The following CALD1 variants were observed in gnomAD, a reference collection of about 807,000 sequenced individuals.
CALD1 encodes caldesmon.
CALD1 carries 33 observed loss-of-function variants against 99.9 expected under a neutral mutation model. The ratio of observed to expected loss-of-function variants is 0.33; its 90% confidence interval spans 0.25 to 0.44. CALD1 has a LOEUF of 0.44. CALD1 is among the 20% of genes least tolerant of loss of function. CALD1 has a pLI of 1.00. For missense variants in CALD1, 861 were observed against 962.1 expected (o/e 0.89, Z 1.39); for synonymous variants, 310 against 325.0 (o/e 0.95, Z 0.50).
chr7:134,916,290 T>C (rs1033143622), intron 3 of CALD1, among the ~76,000 whole-genome samples: 1 of 152,110 alleles, frequency 6.6e-6, no homozygotes, highest in Non-Finnish European at 1.5e-5. Context: ...GTCAGATCTA[T>C]CATATATTAC....
intron 11 of CALD1, among the ~76,000 whole-genome samples, chr7:134,959,542 G>C (rs1272074309): frequency 6.6e-6 from 1 of 152,008 alleles, no homozygotes; most frequent in Non-Finnish European, 1.5e-5. Context: ...AATAGAGAGA[G>C]GCCTATGGTT....
rs1458112631 is a variant in CALD1, at chr7:134,783,800, C to G, written c.-130+4051C>G. Reference sequence around the variant, plus strand: ...CATAGAAGACAAGGGTGGATGGGATCAGAACATGAGTGGAGGTGTCCATGA... The same window carrying G: ...CATAGAAGACAAGGGTGGATGGGATGAGAACATGAGTGGAGGTGTCCATGA... On this transcript the variant is annotated intron_variant, in intron 1 of 14. Transcript: ENST00000361675. This position sits in a 1 kb window ranked among gnomAD's most constrained non-coding sequence, Gnocchi z 4.3. 6.6e-6 allele frequency among the ~76,000 whole-genome samples: 1 copy of G among 151,896 alleles called. No homozygotes were observed. Among genetic ancestry groups the G allele is most frequent in the Non-Finnish European group, 1.5e-5 (1 of 67,996 alleles).
chr7:134,966,347 G>A (rs1447690265), intron 14 of CALD1, among the ~76,000 whole-genome samples: 1 of 152,062 alleles, frequency 6.6e-6, no homozygotes, highest in Non-Finnish European at 1.5e-5. Context: ...GCTACGTATT[G>A]CGCTTTTATT....
chr7:134,790,950 G>A (rs1259362424), intron 1 of CALD1, among the ~76,000 whole-genome samples: 1 of 152,180 alleles, frequency 6.6e-6, no homozygotes, highest in East Asian at 1.9e-4. Context: ...TATTCAAAAG[G>A]CCAAGACAGA....
intron 1 of CALD1, among the ~76,000 whole-genome samples, chr7:134,756,291 A>C (rs1306671753): frequency 2.1e-5 from 2 of 97,272 alleles, no homozygotes; most frequent in Non-Finnish European, 4.3e-5. Context: ...AAAAAAAAAA[A>C]CTAAAAATTA....
rs560401532 is a variant in CALD1 at position 134,786,867 on chromosome 7, T to G, written c.-130+7118T>G. Among the ~76,000 whole-genome samples the G allele has an allele frequency of 4.6e-5, 7 of 152,328 alleles. No individual in the cohort carries two copies. The South Asian group carries it at 1.0e-3, about 23-fold the overall frequency. On this transcript the variant is annotated intron_variant, in intron 1 of 14. Transcript: ENST00000361675. ...CAATCTGCCTATATACCCATGCATCTTAACCAGTATCTTAATCAGAATCAA... is the reference window on the plus strand; with the variant it reads ...CAATCTGCCTATATACCCATGCATCGTAACCAGTATCTTAATCAGAATCAA...
chr7:134,789,031 T>TAAAAAAAAAA (rs35315682), intron 1 of CALD1, among the ~76,000 whole-genome samples: 1 of 116,822 alleles, frequency 8.6e-6, no homozygotes, highest in African/African-American at 3.3e-5. Context: ...AAACAAAAAG[T>TAAAAAAAAAA]AAAAAAAAAA....
chr7:134,949,800 G>A (rs1156755973), intron 8 of CALD1, among the ~76,000 whole-genome samples: 2 of 152,030 alleles, frequency 1.3e-5, no homozygotes, highest in Non-Finnish European at 2.9e-5. Context: ...ATGAGTGTTA[G>A]TCTAAGCCAG....
intron 1 of CALD1, among the ~76,000 whole-genome samples, chr7:134,787,779 A>C (rs1797362877): frequency 6.6e-6 from 1 of 152,210 alleles, no homozygotes; most frequent in Admixed American, 6.5e-5. Flanking sequence ...CACTGAGTAC[A>C]TGGATTATAT....
the CALD1 span, among the ~76,000 whole-genome samples, chr7:134,717,678 T>C: frequency 6.6e-6 from 1 of 152,166 alleles, no homozygotes; most frequent in Admixed American, 6.5e-5. Flanking sequence ...TTTGACTCCA[T>C]GATAGGGAAG....
chr7:134,850,275 C>T (rs1213195992), intron 2 of CALD1, among the ~76,000 whole-genome samples: 3 of 152,206 alleles, frequency 2.0e-5, no homozygotes, highest in Non-Finnish European at 4.4e-5. Flanking sequence ...CAGGCAATCA[C>T]GTGATCATTT....
At chr7:134,957,984 T>G in intron 9 of CALD1, 85 bp from the exon 10 acceptor site, 1 of 993,056 alleles carries the variant, frequency 1.0e-6, no homozygotes, top group Admixed American at 1.7e-5. Flanking sequence ...TTTAACAGGT[T>G]CAGGGATGAT....
chr7:134,846,026 A>G (rs2132182379), intron 2 of CALD1, among the ~76,000 whole-genome samples: 1 of 151,996 alleles, frequency 6.6e-6, no homozygotes, highest in South Asian at 2.1e-4. Flanking sequence ...AGCTAACTCC[A>G]CCTATGGTCA....
chr7:134,912,100 G>A (rs1179385150), intron 3 of CALD1, among the ~76,000 whole-genome samples: 1 of 152,064 alleles, frequency 6.6e-6, no homozygotes, highest in Admixed American at 6.6e-5. Flanking sequence ...GAAGTTGAAA[G>A]AAAAAGAAAG....
At chr7:134,960,493 A>T (rs749887493) in intron 12 of CALD1, 40 bp from the exon 13 acceptor site, 5 of 1,188,124 alleles carry the variant, frequency 4.2e-6, no homozygotes, top group East Asian at 4.7e-5. Context: ...GGTAAAGTTT[A>T]CTTCATTCTT....
At chr7:134,937,801 A>G (rs1806107595) in intron 6 of CALD1, among the ~76,000 whole-genome samples, 1 of 152,214 alleles carries the variant, frequency 6.6e-6, no homozygotes, top group African/African-American at 2.4e-5. Flanking sequence ...AAAACACACA[A>G]AATAAAACCT....
At chr7:134,871,997 G>A (rs1474310932) in intron 3 of CALD1, among the ~76,000 whole-genome samples, 1 of 152,200 alleles carries the variant, frequency 6.6e-6, no homozygotes, top group Non-Finnish European at 1.5e-5. Flanking sequence ...CTGAGACTCT[G>A]TCGTCCACAT....
chr7:134,761,301 C>T (rs1251686985), intron 1 of CALD1, among the ~76,000 whole-genome samples: 1 of 152,130 alleles, frequency 6.6e-6, no homozygotes, highest in East Asian at 1.9e-4. Flanking sequence ...TTAGTGTTTT[C>T]CTCTCTGCGC....
At chr7:134,884,147 T>C (rs931553584) in intron 3 of CALD1, among the ~76,000 whole-genome samples, 1 of 151,440 alleles carries the variant, frequency 6.6e-6, no homozygotes, top group African/African-American at 2.4e-5. Context: ...GAAGCCTGCA[T>C]GTCTGCCAAG....
Sources: gnomAD v4.1 joint callset for allele counts (sites outside exome capture counted in the v4.1 genomes callset) on GRCh38, gnomAD v4.1.1 for gene constraint, Gnocchi (gnomAD v3.1) non-coding constraint, MANE v1.5 for transcripts, NCBI Gene and HGNC (gene_info 2026-07-23, HGNC 2026-07-21) for gene names.